The following CCNYL1 variants were observed in gnomAD, a reference collection of about 807,000 sequenced individuals.
CCNYL1 encodes the protein cyclin Y like 1, also known as cyclin-Y-like protein 1.
CCNYL1 carries 16 observed loss-of-function variants against 44.2 expected under a neutral mutation model. The ratio of observed to expected loss-of-function variants is 0.36; its 90% CI spans 0.25 to 0.55. The LOEUF (loss-of-function observed/expected upper bound fraction) is 0.55. CCNYL1 is among the 20% of genes least tolerant of loss of function. The probability of loss-of-function intolerance (pLI) is 0.85; values close to 1 mark genes in which losing one functional copy is unlikely to be tolerated. For synonymous variants in CCNYL1, 159 were observed against 163.2 expected (o/e 0.97, Z 0.20); for missense variants, 348 against 451.8 (o/e 0.77, Z 2.08).
chr2:207,737,072 C>T (rs1008939740), intron 4 of CCNYL1, among the ~76,000 whole-genome samples: 2 of 152,096 alleles, frequency 1.3e-5, no homozygotes, highest in African/African-American at 4.8e-5. Flanking sequence ...CCTGCTACCA[C>T]GCCCGGCTAA....
At chr2:207,743,461 G>A (rs1227224899) in intron 7 of CCNYL1, among the ~76,000 whole-genome samples, 1 of 152,172 alleles carries the variant, frequency 6.6e-6, no homozygotes, top group Non-Finnish European at 1.5e-5. Context: ...CAGAATGAAA[G>A]TGGAGAAGCT....
At chr2:207,751,871 AG>A (rs1368313768) in intron 9 of CCNYL1, among the ~76,000 whole-genome samples, 1 of 149,564 alleles carries the variant, frequency 6.7e-6, no homozygotes, top group East Asian at 2.0e-4. Flanking sequence ...AAAAAAAAAA[AG>A]TACACACACA....
chr2:207,718,522 G>C (rs1339963723), intron 1 of CCNYL1, among the ~76,000 whole-genome samples: 1 of 151,626 alleles, frequency 6.6e-6, no homozygotes, highest in Non-Finnish European at 1.5e-5. Flanking sequence ...AAAAAGATCA[G>C]ACTAGCTGTA....
chr2:207,734,792 A>G lies in CCNYL1; in HGVS notation c.431+745A>G, dbSNP rs546679261. ...ACTAGCTTTTTTTTTTAGTTAATTC[A>G]ATTGTCAGTAACTTCTACTTTAAAA... On this transcript the variant is annotated intron_variant, in intron 4 of 9. Transcript: ENST00000295414. 3.3e-5 allele frequency among the ~76,000 whole-genome samples: 5 copies of G among 152,150 alleles called. 1 individual carries two copies. The highest frequency in any genetic ancestry group is 2.1e-4 in the South Asian group (1 of 4,816).
intron 4 of CCNYL1, 99 bp downstream of exon 4, chr2:207,734,146 TCA>T: frequency 1.5e-6 from 1 of 674,338 alleles, no homozygotes; most frequent in Non-Finnish European, 2.6e-6. Context: ...ATTGTCCTTT[TCA>T]GCAATGAGTT....
intron 9 of CCNYL1, among the ~76,000 whole-genome samples, chr2:207,752,355 AAC>A (rs2091899726): frequency 6.6e-6 from 1 of 151,934 alleles, no homozygotes; most frequent in African/African-American, 2.4e-5. Flanking sequence ...CAGCCTTACC[AAC>A]ACAGAGAAAC....
chr2:207,716,321 A>G (rs189270854), intron 1 of CCNYL1, among the ~76,000 whole-genome samples: 3 of 148,046 alleles, frequency 2.0e-5, no homozygotes, highest in African/African-American at 7.4e-5. Flanking sequence ...TCTTTCCAGT[A>G]GCTATTTTAA....
intron 1 of CCNYL1, among the ~76,000 whole-genome samples, chr2:207,715,280 C>G (rs2091584649): frequency 6.6e-6 from 1 of 150,752 alleles, no homozygotes. Context: ...AACAAACAAA[C>G]AAACAAAAAA....
chr2:207,748,607 G>C (rs2091871669), intron 8 of CCNYL1, among the ~76,000 whole-genome samples: 1 of 152,208 alleles, frequency 6.6e-6, no homozygotes, highest in Admixed American at 6.5e-5. Flanking sequence ...TGATGATGTT[G>C]AGCAGCAGAG....
chr2:207,732,012 G>A (rs957754022), intron 3 of CCNYL1, among the ~76,000 whole-genome samples: 1 of 152,058 alleles, frequency 6.6e-6, no homozygotes, highest in Non-Finnish European at 1.5e-5. Context: ...GTTTCTCCAT[G>A]TTGGCCTGGC....
At position 207,735,803 on chromosome 2, in the gene CCNYL1, G is replaced by A. The variant is rs182767952; in HGVS notation, c.432-1608G>A. Among the ~76,000 whole-genome samples the A allele has an allele frequency of 3.6e-3, 550 of 152,194 alleles. 4 individuals carry two copies. The highest frequency in any genetic ancestry group is 0.013 in the African/African-American group (527 of 41,508). ...AGCTTGAATCCGGGAAGCGGAGGTT[G>A]CAGTGAGCCGAGATTGTGCCATTTT... On this transcript the variant is annotated intron_variant, in intron 4 of 9. Transcript: ENST00000295414.
rs149665496 is a variant in CCNYL1 at position 207,742,073 on chromosome 2, C to T, written c.520-150C>T. ...GGCTGAGGCAGGAGAATCACTTAAA[C>T]CCGGGGGGTAGAGGTTGCAGTGAGC... On this transcript the variant is annotated intron_variant, in intron 6 of 9. Transcript: ENST00000295414. 7.7e-5 allele frequency: 48 copies of T among 620,072 alleles called. No homozygotes were observed. The Middle Eastern group carries it at 1.5e-3, about 19-fold the overall frequency. The allele number at this position is 620,072 out of a possible 1,614,324, so 38.4% of individuals were successfully genotyped here. A position where few individuals can be genotyped will look rare whatever the true frequency, so the allele number is the denominator to read the frequency against.
intron 7 of CCNYL1, among the ~76,000 whole-genome samples, chr2:207,746,845 G>T (rs1393956681): frequency 6.6e-6 from 1 of 152,054 alleles, no homozygotes. Flanking sequence ...GCATGGTGGC[G>T]CATGCCTGTA....
At chr2:207,720,582 A>G (rs780125449) in intron 1 of CCNYL1, among the ~76,000 whole-genome samples, 10 of 151,988 alleles carry the variant, frequency 6.6e-5, no homozygotes, top group Admixed American at 5.2e-4. Context: ...CTAATCTTTT[A>G]AAAAATTTTT....
chr2:207,728,635 G>A (rs2091698491), intron 3 of CCNYL1, among the ~76,000 whole-genome samples: 2 of 152,056 alleles, frequency 1.3e-5, no homozygotes. Context: ...TCATAGTTCT[G>A]AAGACATTTC....
chr2:207,736,659 C>A (rs1046698446), intron 4 of CCNYL1, among the ~76,000 whole-genome samples: 1 of 151,970 alleles, frequency 6.6e-6, no homozygotes, highest in African/African-American at 2.4e-5. Context: ...CTTTTATTTA[C>A]TTTAAGGGGA....
At chr2:207,752,935 AG>A (rs1411543350) in intron 9 of CCNYL1, among the ~76,000 whole-genome samples, 1 of 152,016 alleles carries the variant, frequency 6.6e-6, no homozygotes, top group African/African-American at 2.4e-5. Context: ...GCTACTTGGG[AG>A]GCTGAGGCAG....
intron 1 of CCNYL1, among the ~76,000 whole-genome samples, chr2:207,721,400 A>C: frequency 6.6e-6 from 1 of 152,240 alleles, no homozygotes; most frequent in East Asian, 1.9e-4. Flanking sequence ...GCCTTTAGTA[A>C]TAATGCATTT....
intron 8 of CCNYL1, 73 bp from the exon 9 acceptor site, chr2:207,750,884 A>T: frequency 7.6e-7 from 1 of 1,321,926 alleles, no homozygotes; most frequent in Non-Finnish European, 1.1e-6. Context: ...GTCTCTTAGA[A>T]TGATATTTTT....
Sources: allele counts gnomAD v4.1 joint callset (sites outside exome capture counted in the v4.1 genomes callset), GRCh38; gene constraint gnomAD v4.1.1; transcripts MANE v1.5; gene names NCBI Gene and HGNC (gene_info 2026-07-23, HGNC 2026-07-21).